PTPRK: variants seen among roughly 807,000 people sequenced by gnomAD.
PTPRK encodes the protein protein tyrosine phosphatase receptor type K.
In PTPRK, 75 loss-of-function variants were observed where a neutral mutation model predicts 178.0. The ratio of observed to expected loss-of-function variants is 0.42; its 90% CI spans 0.35 to 0.51. The LOEUF is 0.51. Ranked by LOEUF, PTPRK falls within the 20% of genes least tolerant of loss-of-function variation. The pLI is 0.02. For synonymous variants in PTPRK, 637 were observed against 620.6 expected, an observed-to-expected ratio of 1.03 and a Z score of -0.39; for missense variants, 1,441 against 1,797.8, an observed-to-expected ratio of 0.80 and a Z score of 3.59.
rs749541238 is a variant in PTPRK at position 128,434,789 on chromosome 6, G to C, written c.101-37101C>G. ...TATGCCAGCACTTTGAAAGGCCAAGGTGGGAGGATCACTTGAGGCCAGGAG... is the reference window on the plus strand; with the variant it reads ...TATGCCAGCACTTTGAAAGGCCAAGCTGGGAGGATCACTTGAGGCCAGGAG... On this transcript the variant is annotated intron_variant, in intron 1 of 29. Transcript: ENST00000368226. Among the ~76,000 whole-genome samples, 4 of 152,062 alleles carry C rather than the reference G, an allele frequency of 2.6e-5. No homozygotes were observed. The South Asian group carries it at 8.3e-4, about 32-fold the overall frequency.
At chr6:128,394,883 C>T (rs1274555984) in intron 2 of PTPRK, among the ~76,000 whole-genome samples, 1 of 152,004 alleles carries the variant, frequency 6.6e-6, no homozygotes, top group African/African-American at 2.4e-5. Context: ...GGCTTTCAGT[C>T]CAAAAAGTTA....
intron 3 of PTPRK, among the ~76,000 whole-genome samples, chr6:128,286,293 T>G (rs943753535): frequency 6.6e-6 from 1 of 152,184 alleles, no homozygotes; most frequent in South Asian, 2.1e-4. Flanking sequence ...TAGAAAATAT[T>G]TGGCCATTAC....
chr6:128,508,955 A>AAAAAAG (rs1554285831), intron 1 of PTPRK, among the ~76,000 whole-genome samples: 2 of 151,594 alleles, frequency 1.3e-5, no homozygotes, highest in Admixed American at 1.3e-4. Flanking sequence ...CTCAAAAAAA[A>AAAAAAG]AAAAGAAAAG....
intron 13 of PTPRK, among the ~76,000 whole-genome samples, chr6:128,010,801 C>T (rs992345144): frequency 1.3e-5 from 2 of 151,102 alleles, no homozygotes; most frequent in African/African-American, 4.8e-5. Context: ...GATTCACTAA[C>T]TATTATTCTC....
chr6:128,028,381 C>T (rs1774688191), intron 13 of PTPRK, among the ~76,000 whole-genome samples: 1 of 152,222 alleles, frequency 6.6e-6, no homozygotes, highest in African/African-American at 2.4e-5. Context: ...TGCTTTAGCA[C>T]TGTTGATAGC....
intron 13 of PTPRK, among the ~76,000 whole-genome samples, chr6:128,033,687 C>T (rs112965004): frequency 0.01 from 1,568 of 152,024 alleles, 22 homozygotes; most frequent in African/African-American, 0.033. Context: ...GCCTGGGCTA[C>T]GTAGAGAGAT....
rs536271520 is a variant in PTPRK, at chr6:128,148,860, T to G, written c.1162+35572A>C. On this transcript the variant is annotated intron_variant, in intron 7 of 29. Coordinates refer to ENST00000368226, the MANE Select transcript of PTPRK (RefSeq NM_002844.4). ...GTAAAAACACTAGTGTATAGAAAAT[T>G]TATTTGCATGTTAATTAGCCTTGGG... Among the ~76,000 whole-genome samples the G allele has an allele frequency of 5.3e-5, 8 of 152,150 alleles. No individual in the cohort carries two copies. In the South Asian group the frequency reaches 1.7e-3, roughly 32 times the overall value.
At chr6:128,238,244 A>G (rs1813717684) in intron 5 of PTPRK, 1 of 393,818 alleles carries the variant, frequency 2.5e-6, no homozygotes, top group Admixed American at 3.7e-5. Flanking sequence ...AGAAAGCAAC[A>G]TAGAAGTTTC....
intron 21 of PTPRK, 71 bp from the exon 22 acceptor site, chr6:127,985,946 T>G: frequency 6.7e-7 from 1 of 1,500,018 alleles, no homozygotes; most frequent in Non-Finnish European, 9.2e-7. Flanking sequence ...TAAACACAAT[T>G]ATGGGTACAG....
At chr6:128,256,596 C>A (rs749638714) in intron 3 of PTPRK, among the ~76,000 whole-genome samples, 2 of 151,874 alleles carry the variant, frequency 1.3e-5, no homozygotes, top group Non-Finnish European at 2.9e-5. Flanking sequence ...TGCCACCACA[C>A]CTGGCTAATT....
intron 1 of PTPRK, among the ~76,000 whole-genome samples, chr6:128,485,287 G>A (rs890015944): frequency 6.6e-5 from 10 of 152,144 alleles, no homozygotes; most frequent in Non-Finnish European, 1.3e-4. Flanking sequence ...CAGCTATTGT[G>A]CTATTTAGTC....
chr6:128,470,267 T>C (rs936718283), intron 1 of PTPRK, among the ~76,000 whole-genome samples: 1 of 151,622 alleles, frequency 6.6e-6, no homozygotes, highest in African/African-American at 2.4e-5. Context: ...TTCATATATA[T>C]ATATATATAT....
Position 128,218,928 on chromosome 6 carries a change from C to T in PTPRK, c.862G>A (p.Val288Met). 6.2e-7 allele frequency: 1 copy of T among 1,610,976 alleles called. No individual in the cohort carries two copies. The highest frequency in any genetic ancestry group is 8.5e-7 in the Non-Finnish European group (1 of 1,178,180). Residue 288 changes from valine (V) to methionine (M), a missense_variant, in exon 6 of 30, where the codon GTG (valine) becomes ATG (methionine). By Grantham distance (21) the Val-to-Met change is conservative. Transcript: ENST00000368226. The stretch of plus-strand genomic sequence containing the variant: ...GAAAACAATTTCACCTTACCTCTCA[C>T]AATAAGTTGAGCAAAATTGGACACA... ...SGVSNFAQLIVREPPRPIAPP... is the reference protein window; with the variant it reads ...SGVSNFAQLIMREPPRPIAPP...
In PTPRK at chr6:128,322,166, A is replaced by G; in HGVS notation, c.368T>C (p.Leu123Ser). The G allele has an allele frequency of 1.2e-6, 2 of 1,613,952 alleles. No individual in the cohort carries two copies. The highest frequency in any genetic ancestry group is 1.7e-6 in the Non-Finnish European group (2 of 1,179,888). ...YSQKGLNPGT[L>S]NILVRVNKGP... is the part of the protein sequence containing the mutation. ...TTTATTCACCCTAACTAATATGTTC[A>G]AAGTGCCAGGATTCAGTCCTTTCTG... The change falls in exon 3 of 30, where the codon TTG becomes TCG. Residue 123 changes from leucine to serine, a missense_variant. Transcript: ENST00000368226.
chr6:128,504,668 G>T (rs1016084783), intron 1 of PTPRK, among the ~76,000 whole-genome samples: 1 of 151,066 alleles, frequency 6.6e-6, no homozygotes, highest in African/African-American at 2.5e-5. Flanking sequence ...CAGAGCACCT[G>T]GGTTCTTCTG....
chr6:127,986,456 C>T (rs1011439537), intron 21 of PTPRK, among the ~76,000 whole-genome samples: 3 of 152,128 alleles, frequency 2.0e-5, no homozygotes, highest in African/African-American at 4.8e-5. Flanking sequence ...TAATTCAGCG[C>T]AGTATTATTT....
rs187368895 is a variant in PTPRK at position 128,457,328 on chromosome 6, G to A, written c.101-59640C>T. 2.0e-5 allele frequency among the ~76,000 whole-genome samples: 3 copies of A among 151,940 alleles called. 1 individual carries two copies. Among genetic ancestry groups the A allele is most frequent in the African/African-American group, 7.2e-5 (3 of 41,380 alleles). On this transcript the variant is annotated intron_variant, in intron 1 of 29. Transcript: ENST00000368226. Reference sequence around the variant, plus strand: ...ACTTGATTATGTTTTCTTGCTTGTTGCATCACTTTTTGTGCTGCATCTATA... The same window carrying A: ...ACTTGATTATGTTTTCTTGCTTGTTACATCACTTTTTGTGCTGCATCTATA...
chr6:128,472,629 A>G, intron 1 of PTPRK: 1 of 277,852 alleles, frequency 3.6e-6, no homozygotes, highest in Non-Finnish European at 6.9e-6. Context: ...TCTACATATT[A>G]ATATTTTTAA....
chr6:127,980,138 C>G (rs1334412160), intron 25 of PTPRK, among the ~76,000 whole-genome samples: 1 of 152,116 alleles, frequency 6.6e-6, no homozygotes, highest in African/African-American at 2.4e-5. Flanking sequence ...TGGTGAAACC[C>G]CATCTCTACT....
Sources: gnomAD v4.1 joint callset for allele counts (sites outside exome capture counted in the v4.1 genomes callset) on GRCh38, gnomAD v4.1.1 for gene constraint, MANE v1.5 for transcripts, NCBI Gene and HGNC (gene_info 2026-07-23, HGNC 2026-07-21) for gene names.